HOXA3: variants seen among roughly 807,000 people sequenced by gnomAD.
HOXA3 encodes homeobox protein Hox-A3.
Under a neutral mutation model 30.3 loss-of-function variants are expected in HOXA3, and 8 were observed. That is an observed-to-expected ratio of 0.26 (90% CI 0.15 to 0.48). HOXA3 has a LOEUF of 0.48. Among genes scored for constraint, HOXA3 ranks in the 20% least tolerant of loss-of-function variants. The pLI, the probability that HOXA3 is intolerant of heterozygous loss-of-function variation, is 0.99. For synonymous variants in HOXA3, 323 were observed against 273.1 expected (o/e 1.18, Z -1.80); for missense variants, 653 against 614.4 (o/e 1.06, Z -0.66).
intron 1 of HOXA3, chr7:27,145,474 T>G: frequency 1.2e-5 from 9 of 747,434 alleles, no homozygotes; most frequent in African/African-American, 1.8e-5. Flanking sequence ...TTTGTTTTGT[T>G]TTGTTTTGTT....
Position 27,108,977 on chromosome 7 carries a change from T to C in HOXA3, c.527-257A>G, listed in dbSNP as rs1319755362. ...TAGAACCCCCGGTTTGCCTTCCTGG[T>C]CTGGATTTTCTGTTTAGAGCTATTA... On this transcript the variant is annotated intron_variant, in intron 5 of 5. Transcript: ENST00000612286. This position sits in a 1 kb window ranked among gnomAD's most constrained non-coding sequence, Gnocchi z 5.0. Among the ~76,000 whole-genome samples, 1 of 152,180 alleles carries C rather than the reference T, an allele frequency of 6.6e-6. No homozygotes were observed. Among genetic ancestry groups the C allele is most frequent in the African/African-American group, 2.4e-5 (1 of 41,448 alleles).
chr7:27,151,708 C>T (rs1344500002), intron 1 of HOXA3: 4 of 456,450 alleles, frequency 8.8e-6, no homozygotes, highest in Non-Finnish European at 1.8e-5. Context: ...CCCCCTTCTA[C>T]CTTTCTCTCT....
chr7:27,146,476 A>G (rs553736812), intron 1 of HOXA3, among the ~76,000 whole-genome samples: 1 of 152,208 alleles, frequency 6.6e-6, no homozygotes, highest in Non-Finnish European at 1.5e-5. Flanking sequence ...CCCCAAGGAT[A>G]AAGTGGATGT....
At position 27,107,832 on chromosome 7, in the gene HOXA3, TAAAA is replaced by T. The variant is rs59078276; in HGVS notation, c.*79_*82del. ...AAGGAAGGAAAGGGCAGGAAGAACC[TAAAA>T]AAAAAAAAAAAAAAAAGCAACCAAA... On this transcript the variant is annotated 3_prime_UTR_variant, in exon 6 of 6. Transcript: ENST00000612286. 3,254 of 541,040 alleles carry T rather than the reference TAAAA, an allele frequency of 6.0e-3. No homozygotes were observed. The highest frequency in any genetic ancestry group is 0.017 in the South Asian group (348 of 20,362). 33.5% of individuals were successfully genotyped at this position (541,040 alleles called of 1,614,324 possible).
Position 27,107,889 on chromosome 7 carries a change from C to T in HOXA3, c.*26G>A, listed in dbSNP as rs1428117220. On this transcript the variant is annotated 3_prime_UTR_variant, in exon 6 of 6. Coordinates refer to ENST00000612286, the MANE Select transcript of HOXA3 (RefSeq NM_153631.3). ...AAAAAGGTGGGTGGGGGGAGACTCT[C>T]CTGGCGCGTAGCCCCAAGCCCACTA... 1.4e-6 allele frequency: 2 copies of T among 1,462,586 alleles called. No homozygotes were observed. The highest frequency in any genetic ancestry group is 1.8e-6 in the Non-Finnish European group (2 of 1,089,674). The allele number at this position is 1,462,586 out of a possible 1,614,324, so 90.6% of individuals were successfully genotyped here.
chr7:27,109,917 T>C (rs1784264398), intron 5 of HOXA3, 198 bp downstream of exon 5: 2 of 631,186 alleles, frequency 3.2e-6, no homozygotes, highest in South Asian at 3.9e-5. Flanking sequence ...AGCAGGTCTC[T>C]GGTGTTTTCC....
intron 3 of HOXA3, chr7:27,123,509 G>C (rs1313630362): frequency 2.6e-5 from 4 of 152,938 alleles, no homozygotes; most frequent in Non-Finnish European, 5.9e-5. Context: ...GGAGATGATG[G>C]GGAAAGAGGA....
intron 4 of HOXA3, among the ~76,000 whole-genome samples, chr7:27,120,433 CGGGAGGCTGAGGT>C (rs1784947744): frequency 6.8e-6 from 1 of 147,976 alleles, no homozygotes; most frequent in Admixed American, 6.8e-5. Context: ...CCCAGCTAGT[CGGGAGGCTGAGGT>C]GGGAAAATCA....
At chr7:27,141,843 G>A (rs745560377) in intron 1 of HOXA3, 28 of 1,613,780 alleles carry the variant, frequency 1.7e-5, no homozygotes, top group South Asian at 4.4e-5. Context: ...ACTCAGGGAC[G>A]GAAGGCCCCT....
At chr7:27,115,960 G>T (rs964691930) in intron 4 of HOXA3, 4 of 152,690 alleles carry the variant, frequency 2.6e-5, no homozygotes, top group Admixed American at 1.3e-4. Context: ...ATTTATGCTG[G>T]CGGAAGGTTT....
At chr7:27,128,427 C>T (rs139973842) in intron 2 of HOXA3, 1 of 152,268 alleles carries the variant, frequency 6.6e-6, no homozygotes. Context: ...CTCAAGCTAT[C>T]TACAAGGTTT....
intron 2 of HOXA3, among the ~76,000 whole-genome samples, chr7:27,136,544 G>A (rs894025863): frequency 1.3e-5 from 2 of 152,158 alleles, no homozygotes. Flanking sequence ...GCCCAAGCGG[G>A]TGAATTGACT....
intron 1 of HOXA3, chr7:27,142,154 T>C (rs1782594458): frequency 6.4e-7 from 1 of 1,550,870 alleles, no homozygotes; most frequent in Non-Finnish European, 8.7e-7. Flanking sequence ...GGGACAAGCT[T>C]GGGTCATGAG....
intron 4 of HOXA3, among the ~76,000 whole-genome samples, chr7:27,118,021 G>C (rs532829922): frequency 2.6e-5 from 4 of 152,206 alleles, no homozygotes; most frequent in Admixed American, 2.6e-4. Flanking sequence ...AAATGGTTTC[G>C]GTTCTAAAAG....
intron 2 of HOXA3, chr7:27,130,948 G>A (rs1785535402): frequency 5.1e-6 from 3 of 593,490 alleles, no homozygotes; most frequent in Non-Finnish European, 6.1e-6. Context: ...CCCGCCCCGT[G>A]CCCCACGTGC....
At chr7:27,143,003 G>T in intron 1 of HOXA3, 2 of 1,458,988 alleles carry the variant, frequency 1.4e-6, no homozygotes, top group Non-Finnish European at 1.8e-6. Flanking sequence ...ACCGAGAGCC[G>T]CGTCCCCGCG....
At position 27,152,454 on chromosome 7, in the gene HOXA3, C is replaced by T. The variant is rs2128065195; in HGVS notation, c.-660G>A. 2.4e-5 allele frequency: 28 copies of T among 1,157,554 alleles called. No individual in the cohort carries two copies. The highest frequency in any genetic ancestry group is 3.3e-5 in the South Asian group (2 of 60,454). The allele number at this position is 1,157,554 out of a possible 1,614,324, so 71.7% of individuals were successfully genotyped here. Reference sequence around the variant, plus strand: ...GCCGGGAACGGAGCGCGCCCAATCTCCAGCGGGAGCCGCCAGGCCTGGCCT... The same window carrying T: ...GCCGGGAACGGAGCGCGCCCAATCTTCAGCGGGAGCCGCCAGGCCTGGCCT... On this transcript the variant is annotated 5_prime_UTR_variant, in exon 1 of 6. Coordinates refer to ENST00000612286, the MANE Select transcript of HOXA3 (RefSeq NM_153631.3).
intron 2 of HOXA3, among the ~76,000 whole-genome samples, chr7:27,139,105 G>C (rs1785808545): frequency 6.6e-6 from 1 of 152,212 alleles, no homozygotes; most frequent in Admixed American, 6.5e-5. Flanking sequence ...CAAAGAAGGA[G>C]AGGAACAGGA....
At chr7:27,131,992 CTAAT>C (rs1219805949) in intron 2 of HOXA3, among the ~76,000 whole-genome samples, 5 of 152,198 alleles carry the variant, frequency 3.3e-5, no homozygotes, top group African/African-American at 7.2e-5. Context: ...GATGGGTACA[CTAAT>C]TACGCCATTA....
Sources: gnomAD v4.1 joint callset for allele counts (sites outside exome capture counted in the v4.1 genomes callset) on GRCh38, gnomAD v4.1.1 for gene constraint, Gnocchi (gnomAD v3.1) non-coding constraint, MANE v1.5 for transcripts, NCBI Gene and HGNC (gene_info 2026-07-23, HGNC 2026-07-21) for gene names.